The following APP variants were observed in gnomAD, a reference collection of about 807,000 sequenced individuals.
The protein encoded by APP is amyloid-beta precursor protein.
In APP, 31 loss-of-function variants were observed where a neutral mutation model predicts 101.4. The ratio of observed to expected loss-of-function variants is 0.31; its 90% CI spans 0.23 to 0.41. The LOEUF is 0.41. Ranked by LOEUF, APP falls within the 10% of genes least tolerant of loss-of-function variation. APP has a pLI of 1.00. For missense variants in APP, 839 were observed against 1,003.7 expected (o/e 0.84, Z 2.22); for synonymous variants, 366 against 364.4 (o/e 1.00, Z -0.05).
chr21:26,035,235 C>T (rs1445937137), intron 5 of APP, among the ~76,000 whole-genome samples: 2 of 152,132 alleles, frequency 1.3e-5, no homozygotes, highest in East Asian at 1.9e-4. Flanking sequence ...CCACTGCACT[C>T]CAGCCTAGGT....
At chr21:26,135,940 T>C (rs1277133438) in intron 1 of APP, among the ~76,000 whole-genome samples, 1 of 151,600 alleles carries the variant, frequency 6.6e-6, no homozygotes, top group Non-Finnish European at 1.5e-5. Context: ...GAGACCAGCC[T>C]GAACAACACA....
In APP at chr21:25,955,693, G is replaced by A; in HGVS notation, c.1521C>T (p.His507=). ...YVRAEQKDRQ[H]TLKHFEHVRM... ...GCACATGCTCGAAATGCTTTAGGGT[G>A]TGCTGTCTGTCCTTCTGTTCTGCGC... Residue 507 remains histidine, a synonymous_variant, in exon 12 of 18, where the codon CAC becomes CAT. Coordinates refer to ENST00000346798, the MANE Select transcript of APP (RefSeq NM_000484.4). The A allele has an allele frequency of 6.2e-7, 1 of 1,614,146 alleles. No homozygotes were observed. Among genetic ancestry groups the A allele is most frequent in the Non-Finnish European group, 8.5e-7 (1 of 1,180,026 alleles).
chr21:25,961,234 C>T (rs1282982989), intron 11 of APP, among the ~76,000 whole-genome samples: 1 of 152,128 alleles, frequency 6.6e-6, no homozygotes, highest in African/African-American at 2.4e-5. Context: ...AGCTGTCTCG[C>T]CTTTCCAGAC....
intron 1 of APP, among the ~76,000 whole-genome samples, chr21:26,134,321 C>T (rs972490948): frequency 6.6e-6 from 1 of 152,222 alleles, no homozygotes; most frequent in Non-Finnish European, 1.5e-5. Flanking sequence ...ACTCCCCCAA[C>T]TTCAGATGTC....
chr21:26,126,106 A>C (rs2062677758), intron 1 of APP, among the ~76,000 whole-genome samples: 1 of 152,254 alleles, frequency 6.6e-6, no homozygotes, highest in South Asian at 2.1e-4. Flanking sequence ...ATCTAAGCAA[A>C]GAGTATTTAC....
chr21:25,882,701 T>A (rs181954130), intron 17 of APP, among the ~76,000 whole-genome samples: 2 of 152,012 alleles, frequency 1.3e-5, no homozygotes, highest in Non-Finnish European at 2.9e-5. Context: ...GCTGAATGAG[T>A]ATGTTAAAAT....
chr21:26,010,957 C>T (rs2043775473), intron 6 of APP, among the ~76,000 whole-genome samples: 1 of 151,838 alleles, frequency 6.6e-6, no homozygotes, highest in African/African-American at 2.4e-5. Flanking sequence ...ACCATGGAGG[C>T]AGAGATTGCA....
At chr21:26,025,347 C>T (rs563269685) in intron 5 of APP, among the ~76,000 whole-genome samples, 2 of 152,114 alleles carry the variant, frequency 1.3e-5, no homozygotes, top group African/African-American at 4.8e-5. Flanking sequence ...CACTAACTAG[C>T]GCTGTTTTCC....
chr21:26,029,239 G>T (rs889842754), intron 5 of APP, among the ~76,000 whole-genome samples: 4 of 152,162 alleles, frequency 2.6e-5, no homozygotes, highest in Admixed American at 6.5e-5. Flanking sequence ...AAGTTGCAAT[G>T]ATGTCTCTGG....
At chr21:25,945,037 T>C (rs748907036) in intron 13 of APP, among the ~76,000 whole-genome samples, 2 of 152,220 alleles carry the variant, frequency 1.3e-5, no homozygotes, top group African/African-American at 2.4e-5. Flanking sequence ...TGGGAGACCA[T>C]GCCTCAGGCT....
intron 3 of APP, 92 bp downstream of exon 3, chr21:26,089,851 G>A: frequency 6.3e-7 from 1 of 1,577,774 alleles, no homozygotes; most frequent in Non-Finnish European, 8.7e-7. Context: ...TGAAGAACAA[G>A]TCTGTGTATG....
intron 1 of APP, among the ~76,000 whole-genome samples, chr21:26,135,996 G>C (rs151046221): frequency 6.6e-6 from 1 of 151,324 alleles, no homozygotes; most frequent in Non-Finnish European, 1.5e-5. Context: ...GCCAGGCATC[G>C]TGGTGCACAC....
Position 26,001,584 on chromosome 21 carries a change from T to TAC in APP, c.866-1404_866-1403dup, listed in dbSNP as rs1465379878. Among the ~76,000 whole-genome samples the TAC allele has an allele frequency of 1.1e-3, 170 of 152,340 alleles. 3 individuals carry two copies. Among genetic ancestry groups the TAC allele is most frequent in the Non-Finnish European group, 9.6e-4 (65 of 68,026 alleles). On this transcript the variant is annotated intron_variant, in intron 6 of 17. Coordinates refer to ENST00000346798, the MANE Select transcript of APP (RefSeq NM_000484.4). ...CACAATCTTGGCTCACTGCAACCTC[T>TAC]ACCTCCTGAGTTCAAGTGATTCTTG...
At chr21:25,948,100 A>AAACAAAGTCACACCTATGTTCTTATAAG (rs2146460834) in intron 13 of APP, among the ~76,000 whole-genome samples, 1 of 152,088 alleles carries the variant, frequency 6.6e-6, no homozygotes, top group Admixed American at 6.5e-5. Context: ...TTCTTATGAA[A>AAACAAAGTCACACCTATGTTCTTATAAG]AACAAAGTCA....
In APP at chr21:25,911,778, A is replaced by C. The variant is rs780774625; in HGVS notation, c.1872T>G (p.Phe624Leu). 2.5e-6 allele frequency: 4 copies of C among 1,614,158 alleles called. No individual in the cohort carries two copies. Among genetic ancestry groups the C allele is most frequent in the South Asian group, 1.1e-5 (1 of 91,082 alleles). The change falls in exon 14 of 18, where the codon TTT (phenylalanine) becomes TTG (leucine). Residue 624 changes from phenylalanine to leucine, a missense_variant. Physicochemically the swap from Phe to Leu is conservative, Grantham distance 22. Transcript: ENST00000346798. ...SLDDLQPWHS[F>L]GADSVPANTE... is the part of the protein sequence containing the mutation. ...TGTTGGCTGGCACAGAGTCAGCCCC[A>C]AAAGAATGCCACGGCTGGAGATCGT...
At chr21:25,896,602 T>C (rs1056283029) in intron 16 of APP, among the ~76,000 whole-genome samples, 2 of 152,184 alleles carry the variant, frequency 1.3e-5, no homozygotes, top group African/African-American at 4.8e-5. Flanking sequence ...AATCCACGAT[T>C]TGATTTATCT....
chr21:25,951,683 C>CT (rs1420827124), intron 13 of APP, among the ~76,000 whole-genome samples: 1 of 151,864 alleles, frequency 6.6e-6, no homozygotes, highest in African/African-American at 2.4e-5. Context: ...AAGACATAAC[C>CT]TGGAAAAAAA....
At chr21:26,131,748 C>T (rs2062801652) in intron 1 of APP, among the ~76,000 whole-genome samples, 1 of 152,116 alleles carries the variant, frequency 6.6e-6, no homozygotes, top group Non-Finnish European at 1.5e-5. Flanking sequence ...CAGTGAGAAA[C>T]ATTATATGTT....
intron 5 of APP, among the ~76,000 whole-genome samples, chr21:26,032,739 TA>T (rs1335885368): frequency 1.3e-5 from 2 of 151,762 alleles, no homozygotes; most frequent in African/African-American, 4.8e-5. Flanking sequence ...GAAAATGGTA[TA>T]AAAATATCAT....
Sources: allele counts gnomAD v4.1 joint callset (sites outside exome capture counted in the v4.1 genomes callset), GRCh38; gene constraint gnomAD v4.1.1; transcripts MANE v1.5; gene names NCBI Gene and HGNC (gene_info 2026-07-23, HGNC 2026-07-21).